The following NPAS3 variants were observed in gnomAD, a reference collection of about 807,000 sequenced individuals.
NPAS3 encodes the protein neuronal PAS domain-containing protein 3.
Under a neutral mutation model 73.1 loss-of-function variants are expected in NPAS3, and 14 were observed. The ratio of observed to expected loss-of-function variants is 0.19; its 90% CI spans 0.13 to 0.30. NPAS3 has a LOEUF of 0.30. NPAS3 is among the 10% of genes least tolerant of loss of function. NPAS3 has a pLI of 1.00. For missense variants in NPAS3, 1,096 were observed against 1,250.0 expected (o/e 0.88, Z 1.86); for synonymous variants, 620 against 541.5 (o/e 1.14, Z -2.01).
In NPAS3 at chr14:33,800,633, G is replaced by C; in HGVS notation, c.2326G>C (p.Gly776Arg). The C allele has an allele frequency of 7.2e-7, 1 of 1,393,742 alleles. No homozygotes were observed. 86.3% of individuals were successfully genotyped at this position (1,393,742 alleles called of 1,614,324 possible). A position where few individuals can be genotyped will look rare whatever the true frequency, so the allele number is the denominator to read the frequency against. Residue 776 changes from glycine (G) to arginine (R), a missense_variant, in exon 12 of 12, where the codon GGC (glycine) becomes CGC (arginine). Physicochemically the swap from Gly to Arg is moderately radical, Grantham distance 125 (BLOSUM62 -2). Around this residue, in one of 5 missense-constraint regions of NPAS3, gnomAD observed 698 missense variants for 676.7 expected, o/e 1.03. Transcript: ENST00000356141. The surrounding 1 kb of genome is among the most constrained non-coding windows in gnomAD (Gnocchi z 6.5). ...GGGCGGGGGCGGCGGCGCGGGGGGC[G>C]GCGGCCCCAGCGCGTCCAACTCCTT...
intron 3 of NPAS3, among the ~76,000 whole-genome samples, chr14:33,293,269 G>A (rs546039493): frequency 1.1e-4 from 16 of 152,212 alleles, no homozygotes; most frequent in Middle Eastern, 3.4e-3. Context: ...TCAATTTGAA[G>A]GTATGGAAAG....
At chr14:33,260,099 TAA>T (rs2139949302) in intron 3 of NPAS3, among the ~76,000 whole-genome samples, 1 of 152,298 alleles carries the variant, frequency 6.6e-6, no homozygotes, top group East Asian at 1.9e-4. Context: ...TACGTGTATA[TAA>T]GTTTTTCCCA....
At chr14:33,526,869 A>G (rs2053825102) in intron 4 of NPAS3, among the ~76,000 whole-genome samples, 1 of 152,080 alleles carries the variant, frequency 6.6e-6, no homozygotes, top group African/African-American at 2.4e-5. Context: ...TGTGTTAATG[A>G]AGTTACTTCA....
intron 4 of NPAS3, among the ~76,000 whole-genome samples, chr14:33,395,213 T>C (rs2138661142): frequency 6.6e-6 from 1 of 152,272 alleles, no homozygotes; most frequent in South Asian, 2.1e-4. Flanking sequence ...TATCATTGTT[T>C]TGCATTTCGT....
At chr14:33,445,109 T>G (rs1206430453) in intron 4 of NPAS3, among the ~76,000 whole-genome samples, 1 of 152,248 alleles carries the variant, frequency 6.6e-6, no homozygotes, top group Non-Finnish European at 1.5e-5. Context: ...GTACTATTCT[T>G]CGGCACTTGG....
intron 3 of NPAS3, among the ~76,000 whole-genome samples, chr14:33,360,763 G>C (rs895581328): frequency 1.6e-4 from 24 of 151,994 alleles, no homozygotes; most frequent in Admixed American, 1.2e-3. Flanking sequence ...GGTATGTCAG[G>C]GATGTCCTCT....
At chr14:33,411,888 T>C (rs950374374) in intron 4 of NPAS3, among the ~76,000 whole-genome samples, 3 of 152,106 alleles carry the variant, frequency 2.0e-5, no homozygotes, top group African/African-American at 7.3e-5. Flanking sequence ...TGCTCGCTCC[T>C]CTGACAGTGT....
chr14:33,119,910 T>C (rs980404264), intron 2 of NPAS3, among the ~76,000 whole-genome samples: 1 of 152,178 alleles, frequency 6.6e-6, no homozygotes, highest in African/African-American at 2.4e-5. Flanking sequence ...TAATGCCATA[T>C]ATTCTTGGCA....
intron 4 of NPAS3, among the ~76,000 whole-genome samples, chr14:33,475,632 C>T (rs2050993052): frequency 1.3e-5 from 2 of 151,502 alleles, no homozygotes; most frequent in African/African-American, 2.4e-5. Context: ...TCCTTATACA[C>T]TCCTGGTTTC....
At chr14:33,438,107 C>T (rs1221361831) in intron 4 of NPAS3, among the ~76,000 whole-genome samples, 1 of 152,052 alleles carries the variant, frequency 6.6e-6, no homozygotes, top group Non-Finnish European at 1.5e-5. Context: ...TAGAAATTTT[C>T]TTGATATTTA....
intron 4 of NPAS3, 90 bp from the exon 5 acceptor site, chr14:33,560,031 A>G (rs2055564748): frequency 1.7e-6 from 1 of 596,626 alleles, no homozygotes; most frequent in Non-Finnish European, 2.9e-6. Flanking sequence ...AAAAAATTCA[A>G]TGTATTGCTT....
At chr14:33,406,615 GTCCTCT>G (rs2047679918) in intron 4 of NPAS3, among the ~76,000 whole-genome samples, 1 of 152,062 alleles carries the variant, frequency 6.6e-6, no homozygotes, top group African/African-American at 2.4e-5. Context: ...AAGCCAAATG[GTCCTCT>G]TCATTTAGTT....
intron 1 of NPAS3, among the ~76,000 whole-genome samples, chr14:32,994,626 G>GTTTTTTTTTTTTTTTTTTTT (rs1382696309): frequency 8.2e-6 from 1 of 121,498 alleles, no homozygotes; most frequent in South Asian, 2.6e-4. Context: ...TTGTTTGTTT[G>GTTTTTTTTTTTTTTTTTTTT]TTTGTTTTTG....
rs142573871 is a variant in NPAS3 at position 32,962,751 on chromosome 14, C to T, written c.50+23385C>T. On this transcript the variant is annotated intron_variant, in intron 1 of 11. Coordinates refer to ENST00000356141, the Ensembl canonical transcript of NPAS3. Reference sequence around the variant, plus strand: ...CTAATTTTTGTATTTTTAGTAGAGACGGGGTTTCACCATGTTGGTCAGGCT... The same window carrying T: ...CTAATTTTTGTATTTTTAGTAGAGATGGGGTTTCACCATGTTGGTCAGGCT... Among the ~76,000 whole-genome samples the T allele has an allele frequency of 3.3e-3, 503 of 150,884 alleles. 4 individuals are homozygous for T. The highest frequency in any genetic ancestry group is 0.012 in the African/African-American group (475 of 41,156).
At chr14:33,618,434 A>G (rs1017268330) in intron 5 of NPAS3, among the ~76,000 whole-genome samples, 5 of 152,092 alleles carry the variant, frequency 3.3e-5, no homozygotes, top group African/African-American at 1.2e-4. Flanking sequence ...AGTAGTTGCA[A>G]CCTAGATCCC....
At chr14:33,116,742 C>CCCA in intron 2 of NPAS3, among the ~76,000 whole-genome samples, 1 of 151,774 alleles carries the variant, frequency 6.6e-6, no homozygotes, top group South Asian at 2.1e-4. Context: ...CCCACCCACC[C>CCCA]ATCACCTGGG....
chr14:33,475,024 A>T (rs78664023), intron 4 of NPAS3, among the ~76,000 whole-genome samples: 7,421 of 152,232 alleles, frequency 0.049, 231 homozygotes, highest in African/African-American at 0.086. Context: ...TAGCTGGGAA[A>T]TGAACACAGA....
intron 4 of NPAS3, among the ~76,000 whole-genome samples, chr14:33,425,930 G>T (rs1194048749): frequency 6.6e-6 from 1 of 152,044 alleles, no homozygotes; most frequent in Non-Finnish European, 1.5e-5. Context: ...GTGGGACCTA[G>T]CAGTGTGTTT....
intron 2 of NPAS3, among the ~76,000 whole-genome samples, chr14:33,210,829 A>G (rs1280908337): frequency 1.3e-5 from 2 of 152,192 alleles, no homozygotes; most frequent in African/African-American, 4.8e-5. Context: ...GCATCCACTA[A>G]TTAAATATAT....
Sources: allele counts gnomAD v4.1 joint callset (sites outside exome capture counted in the v4.1 genomes callset), GRCh38; gene constraint gnomAD v4.1.1; regional missense constraint gnomAD v4.1.1; non-coding constraint Gnocchi (gnomAD v3.1); transcripts MANE v1.5; gene names NCBI Gene and HGNC (gene_info 2026-07-23, HGNC 2026-07-21).